TMEM266: variants seen among roughly 807,000 people sequenced by gnomAD.
The protein encoded by TMEM266 is transmembrane protein 266.
Under a neutral mutation model 50.5 loss-of-function variants are expected in TMEM266, and 33 were observed. The observed-to-expected ratio is 0.65, with a 90% CI of 0.50 to 0.87. The LOEUF is 0.87. Ranked by LOEUF, TMEM266 falls within the 40% of genes least tolerant of loss-of-function variation. The probability of loss-of-function intolerance (pLI) is 0.00; values close to 1 mark genes in which losing one functional copy is unlikely to be tolerated. For missense variants in TMEM266, 655 were observed against 695.1 expected (o/e 0.94, Z 0.65); for synonymous variants, 310 against 292.3 (o/e 1.06, Z -0.62).
intron 8 of TMEM266, among the ~76,000 whole-genome samples, chr15:76,187,521 C>T (rs1421155047): frequency 6.6e-6 from 1 of 152,338 alleles, no homozygotes; most frequent in East Asian, 1.9e-4. Flanking sequence ...ACCTTGCTGC[C>T]AGAGGGTTGG....
At chr15:76,142,498 C>A (rs2037695841) in intron 3 of TMEM266, among the ~76,000 whole-genome samples, 2 of 152,236 alleles carry the variant, frequency 1.3e-5, no homozygotes, top group Admixed American at 1.3e-4. Context: ...TTCCGAGGAA[C>A]TGCCATACTG....
intron 1 of TMEM266, among the ~76,000 whole-genome samples, chr15:76,072,160 C>T (rs775761871): frequency 6.6e-6 from 1 of 151,912 alleles, no homozygotes; most frequent in Non-Finnish European, 1.5e-5. Flanking sequence ...CTGGACCGGC[C>T]GGGTGCGGTG....
intron 3 of TMEM266, among the ~76,000 whole-genome samples, chr15:76,142,434 G>A (rs2037695012): frequency 1.3e-5 from 2 of 152,134 alleles, no homozygotes; most frequent in African/African-American, 4.8e-5. Flanking sequence ...ATGCTTTTGG[G>A]TATATATCCA....
intron 1 of TMEM266, among the ~76,000 whole-genome samples, chr15:76,123,185 T>C (rs2037368848): frequency 6.6e-6 from 1 of 152,198 alleles, no homozygotes; most frequent in Non-Finnish European, 1.5e-5. Flanking sequence ...AGACTGGAGA[T>C]TGGAGTGGGA....
intron 1 of TMEM266, 76 bp downstream of exon 1, chr15:76,060,092 G>T (rs1423001250): frequency 1.4e-5 from 2 of 142,460 alleles, no homozygotes; most frequent in Non-Finnish European, 3.1e-5. Context: ...GGGGCGGGGG[G>T]TGGGGGGACC....
intron 1 of TMEM266, chr15:76,109,085 G>GA (rs1391688493): frequency 6.6e-6 from 1 of 152,152 alleles, no homozygotes; most frequent in Non-Finnish European, 1.5e-5. Flanking sequence ...CACCTGAGAA[G>GA]ATCTTTGTAT....
chr15:76,145,902 A>T (rs549481739), intron 3 of TMEM266, among the ~76,000 whole-genome samples: 1 of 152,320 alleles, frequency 6.6e-6, no homozygotes, highest in African/African-American at 2.4e-5. Context: ...TCTTGTTCTC[A>T]TTCTGTGATG....
intron 2 of TMEM266, among the ~76,000 whole-genome samples, chr15:76,135,198 G>A (rs1013687716): frequency 1.3e-5 from 2 of 152,194 alleles, no homozygotes; most frequent in Non-Finnish European, 2.9e-5. Flanking sequence ...TATGCCAAAG[G>A]GCATAGGCTC....
At chr15:76,183,858 G>GCCC (rs952851368) in intron 8 of TMEM266, among the ~76,000 whole-genome samples, 17 of 152,098 alleles carry the variant, frequency 1.1e-4, no homozygotes, top group Non-Finnish European at 1.5e-5. Context: ...AAGCTGTCAC[G>GCCC]CCCCCCCTCC....
At chr15:76,146,022 T>C (rs1567166635) in intron 3 of TMEM266, among the ~76,000 whole-genome samples, 2 of 152,208 alleles carry the variant, frequency 1.3e-5, no homozygotes, top group African/African-American at 2.4e-5. Context: ...AGAGTGACAT[T>C]GAGTTTGCAA....
chr15:76,060,065 G>T (rs760104620), intron 1 of TMEM266, 49 bp downstream of exon 1: 1 of 141,972 alleles, frequency 7.0e-6, no homozygotes, highest in Non-Finnish European at 1.5e-5. Context: ...CTGCCTCACT[G>T]CCCGAGTCTT....
chr15:76,131,396 T>C (rs2142027282), intron 1 of TMEM266, among the ~76,000 whole-genome samples: 1 of 152,194 alleles, frequency 6.6e-6, no homozygotes, highest in African/African-American at 2.4e-5. Flanking sequence ...CAAACCTCAT[T>C]TGGAAATACA....
chr15:76,067,034 C>T (rs543459489), intron 1 of TMEM266, among the ~76,000 whole-genome samples: 2 of 152,112 alleles, frequency 1.3e-5, no homozygotes. Context: ...TGCCAAATGT[C>T]CCCTAGGGTG....
At chr15:76,074,625 C>G (rs977639574) in intron 1 of TMEM266, among the ~76,000 whole-genome samples, 27 of 152,058 alleles carry the variant, frequency 1.8e-4, no homozygotes, top group South Asian at 1.2e-3. Context: ...GAATTTAGGG[C>G]CTTGTAGACC....
At chr15:76,093,109 T>A (rs533734946) in intron 1 of TMEM266, among the ~76,000 whole-genome samples, 1 of 151,446 alleles carries the variant, frequency 6.6e-6, no homozygotes. Flanking sequence ...CCCAGCCAGG[T>A]GCTATTTTTA....
intron 1 of TMEM266, among the ~76,000 whole-genome samples, chr15:76,126,562 C>T (rs1345341375): frequency 6.6e-6 from 1 of 150,730 alleles, no homozygotes; most frequent in Non-Finnish European, 1.5e-5. Context: ...GACGGAGTCT[C>T]ACTCTGTCGC....
intron 3 of TMEM266, among the ~76,000 whole-genome samples, chr15:76,154,210 T>C (rs2037887657): frequency 6.6e-6 from 1 of 152,246 alleles, no homozygotes; most frequent in Non-Finnish European, 1.5e-5. Context: ...TTTTTTAGTA[T>C]GAGTCTGTTG....
At chr15:76,143,692 C>CT in intron 3 of TMEM266, among the ~76,000 whole-genome samples, 1 of 152,242 alleles carries the variant, frequency 6.6e-6, no homozygotes, top group South Asian at 2.1e-4. Context: ...CTGGCTGTTC[C>CT]TTCCAGGCCT....
At chr15:76,134,121 C>G (rs576254271) in intron 1 of TMEM266, 47 bp from the exon 2 acceptor site, 1 of 794,142 alleles carries the variant, frequency 1.3e-6, no homozygotes, top group South Asian at 1.8e-5. Flanking sequence ...CTTAGGAGGA[C>G]TTTGGTTTGG....
Sources: allele counts gnomAD v4.1 joint callset (sites outside exome capture counted in the v4.1 genomes callset), GRCh38; gene constraint gnomAD v4.1.1; transcripts MANE v1.5; gene names NCBI Gene and HGNC (gene_info 2026-07-23, HGNC 2026-07-21).